The following CHCHD3 variants were observed in gnomAD, a reference collection of about 807,000 sequenced individuals.
The protein encoded by CHCHD3 is MICOS complex subunit MIC19.
CHCHD3 carries 20 observed loss-of-function variants against 38.2 expected under a neutral mutation model. The observed-to-expected ratio is 0.52, with a 90% CI of 0.37 to 0.76. The LOEUF is 0.76. Ranked by LOEUF, CHCHD3 falls within the 30% of genes least tolerant of loss-of-function variation. CHCHD3 has a pLI of 0.00. For missense variants in CHCHD3, 245 were observed against 279.2 expected (o/e 0.88, Z 0.87); for synonymous variants, 82 against 100.0 (o/e 0.82, Z 1.07).
intron 4 of CHCHD3, among the ~76,000 whole-genome samples, chr7:132,896,556 G>T (rs1809505074): frequency 6.6e-6 from 1 of 152,126 alleles, no homozygotes. Context: ...TTTAAAACAA[G>T]AACACTCGTC....
chr7:132,817,265 CT>C (rs1807224434), intron 6 of CHCHD3, among the ~76,000 whole-genome samples: 1 of 151,810 alleles, frequency 6.6e-6, no homozygotes, highest in Admixed American at 6.6e-5. Flanking sequence ...ACTGAGATGC[CT>C]TCCCCCAACA....
intron 3 of CHCHD3, among the ~76,000 whole-genome samples, chr7:132,981,372 T>A (rs1339664745): frequency 6.6e-6 from 1 of 152,218 alleles, no homozygotes; most frequent in Non-Finnish European, 1.5e-5. Context: ...AAGATGGTGA[T>A]CTGACTTCCA....
intron 4 of CHCHD3, among the ~76,000 whole-genome samples, chr7:132,953,734 C>T (rs1466174113): frequency 6.6e-6 from 1 of 152,286 alleles, no homozygotes; most frequent in South Asian, 2.1e-4. Flanking sequence ...CTCTCCCACC[C>T]CAAGGACGGA....
intron 3 of CHCHD3, among the ~76,000 whole-genome samples, chr7:133,005,532 T>A (rs536800474): frequency 6.6e-6 from 1 of 152,316 alleles, no homozygotes; most frequent in East Asian, 1.9e-4. Context: ...CACAAAAGTA[T>A]ACGCTATATA....
intron 1 of CHCHD3, among the ~76,000 whole-genome samples, chr7:133,072,428 G>C (rs1394739126): frequency 6.6e-6 from 1 of 152,026 alleles, no homozygotes; most frequent in African/African-American, 2.4e-5. Context: ...AGATACTTTT[G>C]TATCTCTATT....
At chr7:132,951,983 G>A (rs1811046559) in intron 4 of CHCHD3, among the ~76,000 whole-genome samples, 2 of 152,220 alleles carry the variant, frequency 1.3e-5, no homozygotes, top group Non-Finnish European at 2.9e-5. Context: ...CAAGAGGAAA[G>A]ATGAGTAGAA....
chr7:133,070,956 C>T (rs1195039610), intron 1 of CHCHD3, among the ~76,000 whole-genome samples: 3 of 152,094 alleles, frequency 2.0e-5, no homozygotes, highest in Non-Finnish European at 4.4e-5. Context: ...GGAAGAGATG[C>T]AGTAGGATGA....
chr7:132,971,417 AG>A (rs990214515), intron 4 of CHCHD3, among the ~76,000 whole-genome samples: 3 of 152,178 alleles, frequency 2.0e-5, no homozygotes, highest in African/African-American at 7.2e-5. Flanking sequence ...TGGGATTAAC[AG>A]CTTCCCCAGC....
At chr7:132,808,519 A>C (rs1806988401) in intron 6 of CHCHD3, among the ~76,000 whole-genome samples, 1 of 152,160 alleles carries the variant, frequency 6.6e-6, no homozygotes, top group South Asian at 2.1e-4. Context: ...TTCTTCTATA[A>C]AATATACAAT....
intron 6 of CHCHD3, among the ~76,000 whole-genome samples, chr7:132,833,025 T>C (rs540098810): frequency 2.6e-5 from 4 of 152,220 alleles, no homozygotes; most frequent in Non-Finnish European, 5.9e-5. Flanking sequence ...TTCATAACTT[T>C]TGATAATCAA....
At chr7:132,845,208 C>T (rs192574335) in intron 5 of CHCHD3, 1 of 152,054 alleles carries the variant, frequency 6.6e-6, no homozygotes, top group African/African-American at 2.4e-5. Context: ...ACAATGATTA[C>T]CTAATAGGAT....
intron 1 of CHCHD3, among the ~76,000 whole-genome samples, chr7:133,070,947 G>C (rs1463425941): frequency 2.6e-5 from 4 of 152,158 alleles, no homozygotes; most frequent in Non-Finnish European, 5.9e-5. Context: ...TAAAAGATAG[G>C]AAGAGATGCA....
intron 6 of CHCHD3, among the ~76,000 whole-genome samples, chr7:132,834,738 C>T (rs1416154488): frequency 6.6e-6 from 1 of 152,068 alleles, no homozygotes; most frequent in Non-Finnish European, 1.5e-5. Context: ...TTAGGACCTG[C>T]TGCCCTCCTG....
At chr7:132,970,831 C>T (rs1330958043) in intron 4 of CHCHD3, among the ~76,000 whole-genome samples, 1 of 151,862 alleles carries the variant, frequency 6.6e-6, no homozygotes, top group Non-Finnish European at 1.5e-5. Flanking sequence ...AAATATGTGG[C>T]TGGGCATGGT....
At chr7:132,963,947 T>C (rs1318902987) in intron 4 of CHCHD3, among the ~76,000 whole-genome samples, 1 of 152,236 alleles carries the variant, frequency 6.6e-6, no homozygotes, top group Non-Finnish European at 1.5e-5. Context: ...TCCCCAATTT[T>C]TTGTTTCCTT....
intron 4 of CHCHD3, chr7:132,973,583 C>A (rs1811666940): frequency 6.0e-6 from 6 of 995,250 alleles, no homozygotes; most frequent in Non-Finnish European, 7.2e-6. Context: ...AGCTGCCAGT[C>A]AGTCCACTGA....
intron 5 of CHCHD3, among the ~76,000 whole-genome samples, chr7:132,871,314 A>G (rs1453211785): frequency 6.6e-6 from 1 of 152,240 alleles, no homozygotes; most frequent in African/African-American, 2.4e-5. Context: ...TGTACCCAAC[A>G]GCAAAATGGC....
At chr7:133,034,921 G>A (rs1334237344) in intron 2 of CHCHD3, 19 of 1,606,774 alleles carry the variant, frequency 1.2e-5, no homozygotes, top group Non-Finnish European at 1.6e-5. Flanking sequence ...ATGAAGGTCT[G>A]AGTGAGTTCT....
chr7:133,021,523 T>C (rs1166049308), intron 3 of CHCHD3, among the ~76,000 whole-genome samples: 2 of 152,214 alleles, frequency 1.3e-5, no homozygotes, highest in Non-Finnish European at 2.9e-5. Context: ...AAAATTTCCT[T>C]GCTTTCTAAG....
Sources: gnomAD v4.1 joint callset for allele counts (sites outside exome capture counted in the v4.1 genomes callset) on GRCh38, gnomAD v4.1.1 for gene constraint, MANE v1.5 for transcripts, NCBI Gene and HGNC (gene_info 2026-07-23, HGNC 2026-07-21) for gene names.